The following PGM5 variants were observed in gnomAD, a reference collection of about 807,000 sequenced individuals.
The protein encoded by PGM5 is phosphoglucomutase 5.
A neutral mutation model predicts 59.2 loss-of-function variants in PGM5; 23 were observed. The observed-to-expected ratio is 0.39, with a 90% confidence interval of 0.28 to 0.55. PGM5 has a LOEUF of 0.55. PGM5 is among the 20% of genes least tolerant of loss of function. PGM5 has a pLI of 0.66. For missense variants in PGM5, 574 were observed against 748.3 expected (o/e 0.77, Z 2.72); for synonymous variants, 214 against 286.0 (o/e 0.75, Z 2.54).
At chr9:68,472,907 G>T (rs1042029383) in intron 7 of PGM5, among the ~76,000 whole-genome samples, 2 of 152,146 alleles carry the variant, frequency 1.3e-5, no homozygotes, top group East Asian at 3.8e-4. Flanking sequence ...ACTCTTCTGC[G>T]CTTGCACCTG....
intron 10 of PGM5, among the ~76,000 whole-genome samples, chr9:68,519,559 A>G (rs1167302220): frequency 6.6e-6 from 1 of 152,012 alleles, no homozygotes; most frequent in Admixed American, 6.6e-5. Context: ...TAAAAAATTG[A>G]GAAAGAAAAA....
chr9:68,374,843 T>C (rs1401769736), intron 1 of PGM5, among the ~76,000 whole-genome samples: 2 of 152,198 alleles, frequency 1.3e-5, no homozygotes, highest in Admixed American at 1.3e-4. Context: ...GGATCTTATA[T>C]ACAGTGGGGA....
chr9:68,422,272 C>T (rs1233368593), intron 6 of PGM5, among the ~76,000 whole-genome samples: 1 of 151,930 alleles, frequency 6.6e-6, no homozygotes, highest in Non-Finnish European at 1.5e-5. Flanking sequence ...GGGGGGTTTG[C>T]CTGGGAACTC....
At chr9:68,472,711 G>C (rs1254425691) in intron 7 of PGM5, among the ~76,000 whole-genome samples, 1 of 152,228 alleles carries the variant, frequency 6.6e-6, no homozygotes, top group Non-Finnish European at 1.5e-5. Flanking sequence ...CCAGGGTAGA[G>C]TGCGAGTAAT....
chr9:68,361,126 C>T (rs1303343468), intron 1 of PGM5, among the ~76,000 whole-genome samples: 2 of 152,118 alleles, frequency 1.3e-5, no homozygotes, highest in Non-Finnish European at 2.9e-5. Context: ...CTACGTTGCC[C>T]AGGCTGGTCT....
At chr9:68,422,929 G>C (rs1165844015) in intron 6 of PGM5, among the ~76,000 whole-genome samples, 8 of 152,058 alleles carry the variant, frequency 5.3e-5, no homozygotes, top group Non-Finnish European at 1.2e-4. Context: ...TTATGCCTTT[G>C]CATCCTCATA....
At chr9:68,386,547 T>C (rs1554678863) in intron 3 of PGM5, among the ~76,000 whole-genome samples, 1 of 152,166 alleles carries the variant, frequency 6.6e-6, no homozygotes, top group Non-Finnish European at 1.5e-5. Context: ...TGAAAGTGGG[T>C]TGGTAATATC....
intron 10 of PGM5, among the ~76,000 whole-genome samples, chr9:68,509,327 A>G (rs1424078983): frequency 6.6e-6 from 1 of 152,200 alleles, no homozygotes; most frequent in Non-Finnish European, 1.5e-5. Context: ...AAAGGTTTAT[A>G]CAATTCTGGT....
rs147124406 is a variant in PGM5 at position 68,437,599 on chromosome 9, ACT to A, written c.1044-27490_1044-27489del. On this transcript the variant is annotated intron_variant, in intron 6 of 10. Transcript: ENST00000396396. This position sits in a 1 kb window ranked among gnomAD's most constrained non-coding sequence, Gnocchi z 4.1. The stretch of plus-strand genomic sequence containing the variant: ...CACTCACACACACACACACACACAC[ACT>A]CTCACACATTTTACCCACACATGCA... Among the ~76,000 whole-genome samples, 12,659 of 151,054 alleles carry A rather than the reference ACT, an allele frequency of 0.084. 1,143 individuals carry two copies. Among genetic ancestry groups the A allele is most frequent in the African/African-American group, 0.23 (9,230 of 40,840 alleles).
At chr9:68,455,078 T>C (rs1554684686) in intron 6 of PGM5, among the ~76,000 whole-genome samples, 1 of 152,188 alleles carries the variant, frequency 6.6e-6, no homozygotes, top group East Asian at 1.9e-4. Context: ...TGATATATGC[T>C]CGTCTTCTCG....
At chr9:68,504,803 C>T (rs1554688901) in intron 10 of PGM5, among the ~76,000 whole-genome samples, 1 of 152,128 alleles carries the variant, frequency 6.6e-6, no homozygotes, top group Non-Finnish European at 1.5e-5. Flanking sequence ...TTCCCTGTAT[C>T]CCCAGTGCAC....
chr9:68,456,287 T>C (rs548162423), intron 6 of PGM5, among the ~76,000 whole-genome samples: 492 of 151,034 alleles, frequency 3.3e-3, no homozygotes, highest in Middle Eastern at 0.014. Context: ...TTAGATTTTT[T>C]CTTTTTTTTT....
At chr9:68,389,446 G>T (rs1297191307) in intron 4 of PGM5, among the ~76,000 whole-genome samples, 2 of 151,884 alleles carry the variant, frequency 1.3e-5, no homozygotes, top group African/African-American at 4.8e-5. Flanking sequence ...TCTGCTTTCT[G>T]CCCCCATAGT....
Position 68,391,669 on chromosome 9 carries a change from T to C in PGM5, c.833T>C (p.Leu278Pro), listed in dbSNP as rs1822368051. 6.2e-7 allele frequency: 1 copy of C among 1,613,278 alleles called. No homozygotes were observed. Among genetic ancestry groups the C allele is most frequent in the East Asian group, 2.2e-5 (1 of 44,852 alleles). Residue 278 changes from leucine to proline, a missense_variant, in exon 5 of 11, where the codon CTG becomes CCG. Coordinates refer to ENST00000396396, the MANE Select transcript of PGM5 (RefSeq NM_021965.4). ...AACCTGACATATGCAACGACTCTTC[T>C]GGAAGCAATGAAAGGAGGAGAATAT... ...DPNLTYATTL[L>P]EAMKGGEYGF...
At chr9:68,365,583 A>G (rs1834664001) in intron 1 of PGM5, among the ~76,000 whole-genome samples, 1 of 152,206 alleles carries the variant, frequency 6.6e-6, no homozygotes, top group Admixed American at 6.5e-5. Context: ...TGAAAAGAAA[A>G]ATTTCAGGAA....
At chr9:68,515,118 T>G (rs966423848) in intron 10 of PGM5, among the ~76,000 whole-genome samples, 1 of 152,186 alleles carries the variant, frequency 6.6e-6, no homozygotes, top group Non-Finnish European at 1.5e-5. Context: ...CTTCAATTAC[T>G]AGGAAAAGGT....
chr9:68,448,502 A>T (rs1354079778), intron 6 of PGM5, among the ~76,000 whole-genome samples: 4 of 152,170 alleles, frequency 2.6e-5, no homozygotes, highest in Non-Finnish European at 5.9e-5. Flanking sequence ...TTCTCTTCTC[A>T]GTTAGCTCAG....
At position 68,515,351 on chromosome 9, in the gene PGM5, A is replaced by T. The variant is rs894060042; in HGVS notation, c.1615-14216A>T. Among the ~76,000 whole-genome samples, 16 of 152,268 alleles carry T rather than the reference A, an allele frequency of 1.1e-4. No individual in the cohort carries two copies. In the East Asian group the frequency reaches 1.4e-3, roughly 13 times the overall value. ...GCCTGGTGTTAATGACTGTCCCACTACTGCCTCCTCCGTAAGACTCAGGTG... is the reference window on the plus strand; with the variant it reads ...GCCTGGTGTTAATGACTGTCCCACTTCTGCCTCCTCCGTAAGACTCAGGTG... On this transcript the variant is annotated intron_variant, in intron 10 of 10. Transcript: ENST00000396396.
At position 68,387,516 on chromosome 9, in the gene PGM5, G is replaced by C. The variant is rs1822255006; in HGVS notation, c.625G>C (p.Asp209His). The part of the protein sequence containing the change: ...IYLNLLRTIF[D>H]FHAIKGLLTG... ...TCTTAACCTCCTTCGGACCATCTTT[G>C]ACTTTCATGCCATCAAGGGTTTGCT... Residue 209 changes from aspartate to histidine, a missense_variant, in exon 4 of 11, where the codon GAC (aspartate) becomes CAC (histidine). Physicochemically the swap from Asp to His is moderately conservative, Grantham distance 81. This residue lies in a region of PGM5 where 103 missense variants were observed against 112.4 expected (regional missense o/e 0.92). Transcript: ENST00000396396. The C allele has an allele frequency of 5.6e-6, 9 of 1,612,088 alleles. No individual in the cohort carries two copies. The highest frequency in any genetic ancestry group is 6.8e-6 in the Non-Finnish European group (8 of 1,178,542).
Sources: gnomAD v4.1 joint callset for allele counts (sites outside exome capture counted in the v4.1 genomes callset) on GRCh38, gnomAD v4.1.1 for gene constraint, gnomAD v4.1.1 regional missense constraint, Gnocchi (gnomAD v3.1) non-coding constraint, MANE v1.5 for transcripts, NCBI Gene and HGNC (gene_info 2026-07-23, HGNC 2026-07-21) for gene names.